The following RHOBTB1 variants were observed in gnomAD, a reference collection of about 807,000 sequenced individuals.
The protein encoded by RHOBTB1 is Rho related BTB domain containing 1, also known as rho-related BTB domain-containing protein 1.
In RHOBTB1, 40 loss-of-function variants were observed where a neutral mutation model predicts 71.6. The observed-to-expected ratio is 0.56, with a 90% CI of 0.43 to 0.73. The LOEUF (loss-of-function observed/expected upper bound fraction) is 0.73, where lower values mean the gene tolerates loss of function less well. Ranked by LOEUF, RHOBTB1 falls within the 30% of genes least tolerant of loss-of-function variation. RHOBTB1 has a pLI of 0.00. For missense variants in RHOBTB1, 797 were observed against 894.0 expected (o/e 0.89, Z 1.38); for synonymous variants, 319 against 334.9 (o/e 0.95, Z 0.52).
At chr10:60,877,222 G>A (rs1043265452) in intron 8 of RHOBTB1, 3 of 152,208 alleles carry the variant, frequency 2.0e-5, no homozygotes, top group African/African-American at 7.2e-5. Context: ...GTTAAGCCAA[G>A]TTTCCCTTTT....
chr10:60,986,417 A>ATATATATG (rs1467272492), intron 1 of RHOBTB1, among the ~76,000 whole-genome samples: 1 of 144,660 alleles, frequency 6.9e-6, no homozygotes. Context: ...ATATATATAT[A>ATATATATG]TATATATATA....
chr10:60,872,404 C>T (rs76522289), intron 9 of RHOBTB1, 114 bp from the exon 10 acceptor site: 51,932 of 730,978 alleles, frequency 0.071, 2,073 homozygotes, highest in East Asian at 0.079. Flanking sequence ...ATAACTAATT[C>T]GGTAAACCTC....
At chr10:60,913,830 G>A (rs968542224) in intron 2 of RHOBTB1, among the ~76,000 whole-genome samples, 36 of 152,286 alleles carry the variant, frequency 2.4e-4, no homozygotes, top group African/African-American at 8.2e-4. Flanking sequence ...CAAGTTGTTT[G>A]TACTTTCTGA....
intron 2 of RHOBTB1, among the ~76,000 whole-genome samples, chr10:60,932,185 C>A (rs1015461894): frequency 6.6e-6 from 1 of 152,106 alleles, no homozygotes; most frequent in Non-Finnish European, 1.5e-5. Flanking sequence ...ACATTGTAAT[C>A]TTTACTTAGG....
At position 60,892,949 on chromosome 10, in the gene RHOBTB1, G is replaced by A. The variant is rs767556521; in HGVS notation, c.343C>T (p.Leu115=). 1 of 1,613,976 alleles carries A rather than the reference G, an allele frequency of 6.2e-7. No homozygotes were observed. Among genetic ancestry groups the A allele is most frequent in the Non-Finnish European group, 8.5e-7 (1 of 1,179,932 alleles). ...LCFSIANPNS[L]NHVKSMWYPE... Reference sequence around the variant, plus strand: ...TACCACATGCTTTTCACATGATTTAGGGAATTGGGATTAGCAATCGAAAAA... The same window carrying A: ...TACCACATGCTTTTCACATGATTTAAGGAATTGGGATTAGCAATCGAAAAA... Residue 115 remains leucine, a synonymous_variant, in exon 5 of 11, where the codon CTA becomes TTA. Coordinates refer to ENST00000337910, the MANE Select transcript of RHOBTB1 (RefSeq NM_014836.5).
At chr10:60,871,992 T>C (rs2080812375) in intron 10 of RHOBTB1, 193 bp downstream of exon 10, 1 of 641,366 alleles carries the variant, frequency 1.6e-6, no homozygotes. Context: ...CCCCTCATCA[T>C]CAAGTTCTCC....
At chr10:60,965,753 T>C (rs2085936110) in intron 2 of RHOBTB1, among the ~76,000 whole-genome samples, 2 of 152,154 alleles carry the variant, frequency 1.3e-5, no homozygotes, top group African/African-American at 4.8e-5. Flanking sequence ...AATAAAGTCA[T>C]AAGACTAAAT....
chr10:60,937,492 A>G (rs1477285590), intron 2 of RHOBTB1, among the ~76,000 whole-genome samples: 1 of 152,220 alleles, frequency 6.6e-6, no homozygotes, highest in Non-Finnish European at 1.5e-5. Context: ...CTGGCTGGAA[A>G]TAGTGGCTTT....
intron 2 of RHOBTB1, among the ~76,000 whole-genome samples, chr10:60,967,374 T>C (rs1299861334): frequency 6.9e-6 from 1 of 144,130 alleles, no homozygotes; most frequent in African/African-American, 2.5e-5. Context: ...CTCACCGCAA[T>C]CTCCACCTCC....
chr10:60,907,756 C>T lies in RHOBTB1; in HGVS notation c.296+3131G>A, dbSNP rs540571819. 2.0e-5 allele frequency among the ~76,000 whole-genome samples: 3 copies of T among 152,206 alleles called. No individual in the cohort carries two copies. The South Asian group carries it at 6.2e-4, about 32-fold the overall frequency. ...CAATCTTTGCACAAATCCAAAAGAG[C>T]AAATAGAAATCCAGCTCACCAATGT... On this transcript the variant is annotated intron_variant, in intron 4 of 10. Transcript: ENST00000337910.
At chr10:60,905,449 C>CAAAAA (rs35538782) in intron 4 of RHOBTB1, among the ~76,000 whole-genome samples, 5 of 48,968 alleles carry the variant, frequency 1.0e-4, no homozygotes, top group Admixed American at 5.4e-4. Context: ...GACTCTTTCT[C>CAAAAA]AAAAAAAAAA....
rs116391455 is a variant in RHOBTB1 at position 60,881,623 on chromosome 10, A to T, written c.1576-3565T>A. ...CTCACCCTCAGTCTCTTCATCCGTT[A>T]CATGGGAGGAATTTGGAATAGATGC... On this transcript the variant is annotated intron_variant, in intron 7 of 10. Transcript: ENST00000337910. 1.5e-3 allele frequency among the ~76,000 whole-genome samples: 230 copies of T among 152,328 alleles called. 3 individuals carry two copies. Among genetic ancestry groups the T allele is most frequent in the African/African-American group, 5.3e-3 (221 of 41,582 alleles).
the RHOBTB1 span, among the ~76,000 whole-genome samples, chr10:60,863,541 T>C: frequency 2.2e-5 from 3 of 138,336 alleles, no homozygotes; most frequent in African/African-American, 6.4e-5. Flanking sequence ...TCACATCCCC[T>C]TTTTTTTTTG....
Position 60,924,747 on chromosome 10 carries a change from C to T in RHOBTB1, c.-10-13195G>A, listed in dbSNP as rs1381421660. 2.0e-5 allele frequency among the ~76,000 whole-genome samples: 3 copies of T among 152,268 alleles called. No individual in the cohort carries two copies. In the South Asian group the frequency reaches 6.2e-4, roughly 32 times the overall value. On this transcript the variant is annotated intron_variant, in intron 2 of 10. Coordinates refer to ENST00000337910, the MANE Select transcript of RHOBTB1 (RefSeq NM_014836.5). ...CCCAAGGATAGACCATATGTTAGGCCACAAAACAAGTCTCAAAAATTTTTA... is the reference window on the plus strand; with the variant it reads ...CCCAAGGATAGACCATATGTTAGGCTACAAAACAAGTCTCAAAAATTTTTA...
At chr10:60,994,433 C>T (rs923109415) in intron 1 of RHOBTB1, among the ~76,000 whole-genome samples, 9 of 152,052 alleles carry the variant, frequency 5.9e-5, no homozygotes, top group Admixed American at 3.9e-4. Context: ...TCCAGAGAAA[C>T]GTAACAGCTA....
intron 2 of RHOBTB1, among the ~76,000 whole-genome samples, chr10:60,962,578 A>AT (rs1185617385): frequency 6.6e-6 from 1 of 151,982 alleles, no homozygotes; most frequent in South Asian, 2.1e-4. Flanking sequence ...ATTATATAGT[A>AT]TTTTTTTCTG....
chr10:60,982,125 A>T (rs1164216657), intron 2 of RHOBTB1, among the ~76,000 whole-genome samples: 1 of 152,226 alleles, frequency 6.6e-6, no homozygotes, highest in Non-Finnish European at 1.5e-5. Flanking sequence ...TAAGAAGATT[A>T]AATGACTACT....
downstream of RHOBTB1, among the ~76,000 whole-genome samples, chr10:60,865,825 C>T (rs1463775373): frequency 1.3e-5 from 2 of 152,016 alleles, no homozygotes; most frequent in Non-Finnish European, 2.9e-5. Context: ...TGGAGTGGGA[C>T]CTGGAATTCA....
intron 2 of RHOBTB1, among the ~76,000 whole-genome samples, chr10:60,954,830 A>G (rs1348989366): frequency 1.3e-5 from 2 of 152,180 alleles, no homozygotes; most frequent in Non-Finnish European, 2.9e-5. Flanking sequence ...AACTATTAAA[A>G]AAAGGGAAAT....
Sources: allele counts gnomAD v4.1 joint callset (sites outside exome capture counted in the v4.1 genomes callset), GRCh38; gene constraint gnomAD v4.1.1; transcripts MANE v1.5; gene names NCBI Gene and HGNC (gene_info 2026-07-23, HGNC 2026-07-21).